Variants in GPC5 observed in about 807,000 individuals in gnomAD.
The protein encoded by GPC5 is glypican-5.
Under a neutral mutation model 53.9 loss-of-function variants are expected in GPC5, and 47 were observed. The ratio of observed to expected loss-of-function variants is 0.87; its 90% CI spans 0.69 to 1.11. The LOEUF (loss-of-function observed/expected upper bound fraction) is 1.11, where lower values mean the gene tolerates loss of function less well. GPC5 is among the 50% of genes most tolerant of loss of function. The pLI, the probability that GPC5 is intolerant of heterozygous loss-of-function variation, is 0.00. For missense variants in GPC5, 748 were observed against 713.1 expected, an observed-to-expected ratio of 1.05 and a Z score of -0.56; for synonymous variants, 286 against 263.3, an observed-to-expected ratio of 1.09 and a Z score of -0.84.
chr13:92,465,616 G>A (rs959558815), intron 7 of GPC5, among the ~76,000 whole-genome samples: 3 of 151,928 alleles, frequency 2.0e-5, no homozygotes, highest in African/African-American at 7.2e-5. Flanking sequence ...GAGGTGGATG[G>A]CCACATCATT....
At chr13:91,409,519 C>A (rs2138932661) in intron 1 of GPC5, among the ~76,000 whole-genome samples, 1 of 152,276 alleles carries the variant, frequency 6.6e-6, no homozygotes, top group East Asian at 1.9e-4. Context: ...CTATTCAATT[C>A]ATCTTTGGAA....
intron 2 of GPC5, among the ~76,000 whole-genome samples, chr13:91,627,551 C>T (rs1038973531): frequency 6.6e-6 from 1 of 151,990 alleles, no homozygotes; most frequent in African/African-American, 2.4e-5. Context: ...AAAGATTTCT[C>T]AGTAGTACAG....
intron 6 of GPC5, among the ~76,000 whole-genome samples, chr13:92,104,024 T>A (rs576335986): frequency 6.6e-6 from 1 of 152,178 alleles, no homozygotes; most frequent in African/African-American, 2.4e-5. Context: ...TGATTACTGA[T>A]TGTTTTTGGC....
intron 7 of GPC5, among the ~76,000 whole-genome samples, chr13:92,550,499 A>T (rs1293534610): frequency 2.6e-5 from 4 of 151,846 alleles, no homozygotes; most frequent in African/African-American, 9.7e-5. Flanking sequence ...ATCAAAATGG[A>T]TCTCTTTTGT....
intron 7 of GPC5, among the ~76,000 whole-genome samples, chr13:92,404,251 T>C (rs1458899568): frequency 1.3e-5 from 2 of 152,152 alleles, no homozygotes; most frequent in Non-Finnish European, 2.9e-5. Flanking sequence ...TTTCTGATTG[T>C]TTTACTGTTA....
At chr13:92,095,150 T>C (rs193200243) in intron 6 of GPC5, among the ~76,000 whole-genome samples, 18 of 152,228 alleles carry the variant, frequency 1.2e-4, no homozygotes, top group African/African-American at 4.1e-4. Flanking sequence ...GCATTATCAA[T>C]AGAAGAAATA....
chr13:92,303,812 T>A (rs2043091700), intron 7 of GPC5, among the ~76,000 whole-genome samples: 1 of 152,248 alleles, frequency 6.6e-6, no homozygotes, highest in Non-Finnish European at 1.5e-5. Flanking sequence ...ATACTCATTG[T>A]CCACTTTGTG....
intron 7 of GPC5, among the ~76,000 whole-genome samples, chr13:92,331,517 G>A (rs760381895): frequency 3.3e-5 from 5 of 152,036 alleles, no homozygotes; most frequent in African/African-American, 9.7e-5. Context: ...AAATAGCAGC[G>A]ACTGAGATAT....
chr13:91,812,425 A>G (rs1044437889), intron 5 of GPC5, among the ~76,000 whole-genome samples: 3 of 152,220 alleles, frequency 2.0e-5, no homozygotes, highest in Non-Finnish European at 2.9e-5. Flanking sequence ...TTTATGAAGT[A>G]CTTTAGCACA....
chr13:92,587,291 A>G (rs1883569026), intron 7 of GPC5, among the ~76,000 whole-genome samples: 1 of 152,222 alleles, frequency 6.6e-6, no homozygotes, highest in African/African-American at 2.4e-5. Context: ...AAAATTATAA[A>G]TGATAACACA....
intron 1 of GPC5, among the ~76,000 whole-genome samples, chr13:91,423,628 G>A (rs181987415): frequency 4.9e-4 from 75 of 152,272 alleles, no homozygotes; most frequent in Non-Finnish European, 3.1e-4. Context: ...AGGCTACAAC[G>A]TTTCAGTTAG....
intron 7 of GPC5, among the ~76,000 whole-genome samples, chr13:92,795,194 C>G (rs1204742591): frequency 1.3e-5 from 2 of 151,976 alleles, no homozygotes; most frequent in Non-Finnish European, 2.9e-5. Context: ...GATATATAGA[C>G]CAATGGAACA....
At chr13:91,905,381 T>G (rs2039542539) in intron 5 of GPC5, among the ~76,000 whole-genome samples, 2 of 151,976 alleles carry the variant, frequency 1.3e-5, no homozygotes, top group African/African-American at 4.8e-5. Flanking sequence ...CTTGTACTAT[T>G]TGTTATTGAT....
At chr13:92,564,710 G>A (rs1372797183) in intron 7 of GPC5, among the ~76,000 whole-genome samples, 1 of 151,736 alleles carries the variant, frequency 6.6e-6, no homozygotes, top group Non-Finnish European at 1.5e-5. Flanking sequence ...ACTGTCTATT[G>A]TTCCCATCTT....
intron 7 of GPC5, among the ~76,000 whole-genome samples, chr13:92,782,616 A>G (rs1210013219): frequency 6.6e-6 from 1 of 152,202 alleles, no homozygotes; most frequent in East Asian, 1.9e-4. Flanking sequence ...TCACAGTAAA[A>G]TACTAAATTA....
chr13:92,564,422 T>C (rs765777112), intron 7 of GPC5, among the ~76,000 whole-genome samples: 4 of 152,086 alleles, frequency 2.6e-5, no homozygotes, highest in Non-Finnish European at 5.9e-5. Flanking sequence ...GTGTTTTGTG[T>C]TGATGTTTTA....
At chr13:92,853,272 CA>C (rs1555318432) in intron 7 of GPC5, among the ~76,000 whole-genome samples, 1 of 152,090 alleles carries the variant, frequency 6.6e-6, no homozygotes, top group Non-Finnish European at 1.5e-5. Context: ...AAGTACACTA[CA>C]ATGAGGTATT....
chr13:91,726,541 G>T (rs549154001), intron 3 of GPC5, among the ~76,000 whole-genome samples: 1 of 152,196 alleles, frequency 6.6e-6, no homozygotes, highest in Admixed American at 6.5e-5. Context: ...ATGCTTACCA[G>T]TCAGGAACCC....
In GPC5 at chr13:91,514,940, G is replaced by A. The variant is rs187950314; in HGVS notation, c.325+66018G>A. Among the ~76,000 whole-genome samples the A allele has an allele frequency of 6.6e-5, 10 of 152,162 alleles. No individual in the cohort carries two copies. The East Asian group carries it at 1.5e-3, about 23-fold the overall frequency. ...GAACTAAAGAATACTTTATATCTGC[G>A]CTATTTAAAACCATAGCCACTAGCC... On this transcript the variant is annotated intron_variant, in intron 2 of 7. Coordinates refer to ENST00000377067, the MANE Select transcript of GPC5 (RefSeq NM_004466.6).
Sources: allele counts gnomAD v4.1 joint callset (sites outside exome capture counted in the v4.1 genomes callset), GRCh38; gene constraint gnomAD v4.1.1; transcripts MANE v1.5; gene names NCBI Gene and HGNC (gene_info 2026-07-23, HGNC 2026-07-21).